The following TAF6 variants were observed in gnomAD, a reference collection of about 807,000 sequenced individuals.
The protein encoded by TAF6 is transcription initiation factor TFIID subunit 6.
Under a neutral mutation model 73.5 loss-of-function variants are expected in TAF6, and 50 were observed. The observed-to-expected ratio is 0.68, with a 90% CI of 0.54 to 0.86. TAF6 has a LOEUF of 0.86. TAF6 is among the 40% of genes least tolerant of loss of function. The pLI is 0.00. For missense variants in TAF6, 768 were observed against 899.5 expected (o/e 0.85, Z 1.87); for synonymous variants, 424 against 376.7 (o/e 1.13, Z -1.45).
At chr7:100,122,646 A>C (rs1584588051), upstream of TAF6, 2 of 1,517,422 alleles carry the variant, frequency 1.3e-6, no homozygotes, top group East Asian at 4.5e-5. Flanking sequence ...GAGGCCCTCC[A>C]GAGGTTATCT....
intron 1 of TAF6, 73 bp downstream of exon 1, chr7:100,119,131 C>T (rs866321318): frequency 1.0e-6 from 1 of 986,736 alleles, no homozygotes; most frequent in Non-Finnish European, 1.2e-6. Context: ...AGAGAGCCCA[C>T]CCCATCTCCT....
Position 100,113,908 on chromosome 7 carries a change from G to C in TAF6, c.203C>G (p.Thr68Ser). 2 of 1,614,052 alleles carry C rather than the reference G, an allele frequency of 1.2e-6. No individual in the cohort carries two copies. Among genetic ancestry groups the C allele is most frequent in the East Asian group, 2.2e-5 (1 of 44,866 alleles). Residue 68 changes from threonine to serine, a missense_variant, in exon 3 of 15, where the codon ACC (threonine) becomes AGC (serine). Physicochemically the swap from Thr to Ser is moderately conservative, Grantham distance 58 (BLOSUM62 1). Transcript: ENST00000453269. ...CTTCAAGGCGTAGTCAATGTCACTG[G>C]TGGTGAGCTTCTGCCGCTTCCCCAT... The part of the protein sequence containing the change: ...MHMGKRQKLT[T>S]SDIDYALKLK...
At chr7:100,118,890 G>A (rs983328031) in intron 1 of TAF6, 2 of 985,274 alleles carry the variant, frequency 2.0e-6, no homozygotes, top group African/African-American at 1.7e-5. Context: ...TCTGTGCCTG[G>A]CGCCGGGTTT....
At chr7:100,122,351 G>C, upstream of TAF6, 1 of 1,613,702 alleles carries the variant, frequency 6.2e-7, no homozygotes. Flanking sequence ...GCTGGATACA[G>C]GCAAGAGGAA....
In TAF6 at chr7:100,107,787, C is replaced by T. The variant is rs1796698741; in HGVS notation, c.1656+139G>A. On this transcript the variant is annotated intron_variant, in intron 14 of 14. Coordinates refer to ENST00000453269, the MANE Select transcript of TAF6 (RefSeq NM_139315.3). ...TTGTTCATGCAGGGCAGCTACAGCCCTGCAGGACCCTGGTGGGCGCCTCTT... is the reference window on the plus strand; with the variant it reads ...TTGTTCATGCAGGGCAGCTACAGCCTTGCAGGACCCTGGTGGGCGCCTCTT... 9 of 1,384,464 alleles carry T rather than the reference C, an allele frequency of 6.5e-6. No individual in the cohort carries two copies. In the South Asian group the frequency reaches 1.2e-4, roughly 18 times the overall value. The allele number at this position is 1,384,464 out of a possible 1,614,324, so 85.8% of individuals were successfully genotyped here. A position where few individuals can be genotyped will look rare whatever the true frequency, so the allele number is the denominator to read the frequency against.
At position 100,114,108 on chromosome 7, in the gene TAF6, C is replaced by A; in HGVS notation, c.102G>T (p.Glu34Asp). ...CCTCATCCGTTAGCAGCTGGCAGGT[C>A]TCCTCCTGAATCTGGGCGATGCCCA... ...ESMGIAQIQE[E>D]TCQLLTDEVS... The change falls in exon 2 of 15, where the codon GAG (glutamate) becomes GAT (aspartate). Residue 34 changes from glutamate to aspartate, a missense_variant. This residue lies in a region of TAF6 where 269 missense variants were observed against 268.0 expected (regional missense o/e 1.00). Transcript: ENST00000453269. The A allele has an allele frequency of 6.2e-7, 1 of 1,614,228 alleles. No homozygotes were observed. Among genetic ancestry groups the A allele is most frequent in the Non-Finnish European group, 8.5e-7 (1 of 1,180,044 alleles).
chr7:100,108,028 C>T lies in TAF6; in HGVS notation c.1554G>A (p.Gln518=). ...CAGCCGCTCGTGCAGACACCAGTGT[C>T]TGGACAGGAAGTGCGATGGAGCCAG... ...KVPGSIALPV[Q]TLVSARAAAP... The change falls in exon 14 of 15, where the codon CAG becomes CAA. Residue 518 remains glutamine, a synonymous_variant. Coordinates refer to ENST00000453269, the MANE Select transcript of TAF6 (RefSeq NM_139315.3). The T allele has an allele frequency of 6.2e-7, 1 of 1,613,876 alleles. No homozygotes were observed. Among genetic ancestry groups the T allele is most frequent in the Non-Finnish European group, 8.5e-7 (1 of 1,179,988 alleles).
chr7:100,125,841 C>G, the TAF6 span, among the ~76,000 whole-genome samples: 1 of 151,898 alleles, frequency 6.6e-6, no homozygotes, highest in Non-Finnish European at 1.5e-5. Context: ...TGTAGGAGTT[C>G]GAGAGCAGCC....
In TAF6 at chr7:100,113,362, C is replaced by T. The variant is rs1450498015; in HGVS notation, c.441G>A (p.Glu147=). 1 of 1,595,582 alleles carries T rather than the reference C, an allele frequency of 6.3e-7. No homozygotes were observed. Among genetic ancestry groups the T allele is most frequent in the South Asian group, 1.1e-5 (1 of 89,258 alleles). ...CATGGAGGTTACCTGGGGGCGGGTTCTCGGGGATAGCTGGCTGGCAGCCCT... is the reference window on the plus strand; with the variant it reads ...CATGGAGGTTACCTGGGGGCGGGTTTTCGGGGATAGCTGGCTGGCAGCCCT... ...SIEGCQPAIP[E]NPPPAPKEQQ... The change falls in exon 5 of 15, where the codon GAG becomes GAA. Residue 147 remains glutamate, a synonymous_variant. Transcript: ENST00000453269.
upstream of TAF6, among the ~76,000 whole-genome samples, chr7:100,121,821 C>T (rs187678871): frequency 5.3e-5 from 8 of 151,818 alleles, no homozygotes; most frequent in East Asian, 2.0e-4. Flanking sequence ...GAGGCCAAGG[C>T]GGGCGGATCA....
At chr7:100,119,568 G>A, upstream of TAF6, 7 of 1,424,566 alleles carry the variant, frequency 4.9e-6, no homozygotes, top group East Asian at 2.5e-5. Context: ...GCCACAAAAC[G>A]GAGGCAGGGA....
rs1797446133 is a variant in TAF6, at chr7:100,113,914, A to C, written c.197T>G (p.Leu66Arg). ...GGCGTAGTCAATGTCACTGGTGGTG[A>C]GCTTCTGCCGCTTCCCCATGTGCAT... ...KFMHMGKRQK[L>R]TTSDIDYALK... The change falls in exon 3 of 15, where the codon CTC becomes CGC. Residue 66 changes from leucine to arginine, a missense_variant. This residue lies in a region of TAF6 where 269 missense variants were observed against 268.0 expected (regional missense o/e 1.00). Coordinates refer to ENST00000453269, the MANE Select transcript of TAF6 (RefSeq NM_139315.3). The C allele has an allele frequency of 6.2e-7, 1 of 1,613,428 alleles. No homozygotes were observed. Among genetic ancestry groups the C allele is most frequent in the African/African-American group, 1.3e-5 (1 of 74,682 alleles).
chr7:100,124,999 GCTTGTAGCTGTTCTCTCCCAT>G, the TAF6 span: 1 of 1,267,366 alleles, frequency 7.9e-7, no homozygotes, highest in Non-Finnish European at 1.1e-6. Flanking sequence ...CTCCACCCAA[GCTTGTAGCTGTTCTCTCCCAT>G]CTAACCTCAG....
chr7:100,107,854 C>T, intron 14 of TAF6, 72 bp downstream of exon 14: 5 of 1,526,944 alleles, frequency 3.3e-6, no homozygotes, highest in Non-Finnish European at 4.4e-6. Flanking sequence ...GTGCTCTACT[C>T]CTGGGCCTCC....
Position 100,107,159 on chromosome 7 carries a change from C to T in TAF6, c.*87G>A. The T allele has an allele frequency of 2.7e-6, 4 of 1,495,470 alleles. No individual in the cohort carries two copies. The highest frequency in any genetic ancestry group is 3.6e-6 in the Non-Finnish European group (4 of 1,120,964). The allele number at this position is 1,495,470 out of a possible 1,614,324, so 92.6% of individuals were successfully genotyped here. Reference sequence around the variant, plus strand: ...ACATGAAGGAAGCAATCTACAACTTCCTTCCGCTTAGCGAGCATGCATGTG... The same window carrying T: ...ACATGAAGGAAGCAATCTACAACTTTCTTCCGCTTAGCGAGCATGCATGTG... On this transcript the variant is annotated 3_prime_UTR_variant, in exon 15 of 15. Transcript: ENST00000453269.
intron 12 of TAF6, 149 bp downstream of exon 12, chr7:100,109,799 T>C (rs1181558180): frequency 8.0e-7 from 1 of 1,247,564 alleles, no homozygotes; most frequent in Non-Finnish European, 1.1e-6. Flanking sequence ...CTAATCTCAG[T>C]CTTTCCATCT....
upstream of TAF6, chr7:100,124,498 C>T (rs373590886): frequency 8.9e-6 from 14 of 1,580,950 alleles, no homozygotes; most frequent in Middle Eastern, 5.1e-4. Context: ...CTCTTCTGGC[C>T]CTTCTACTTG....
Position 100,107,522 on chromosome 7 carries a change from G to A in TAF6, c.1758C>T (p.Ser586=). ...PSVQPIVKLV[S]TATTAPPSTA... is the part of the protein sequence containing the mutation. Reference sequence around the variant, plus strand: ...TGCTGGGGGGTGCGGTGGTGGCGGTGGAGACCAACTTGACGATGGGCTGCA... The same window carrying A: ...TGCTGGGGGGTGCGGTGGTGGCGGTAGAGACCAACTTGACGATGGGCTGCA... The change falls in exon 15 of 15, where the codon TCC becomes TCT. Residue 586 remains serine, a synonymous_variant. Coordinates refer to ENST00000453269, the MANE Select transcript of TAF6 (RefSeq NM_139315.3). 1.2e-6 allele frequency: 2 copies of A among 1,614,090 alleles called. No individual in the cohort carries two copies. Among genetic ancestry groups the A allele is most frequent in the African/African-American group, 1.3e-5 (1 of 75,022 alleles).
chr7:100,124,298 C>T, upstream of TAF6: 2 of 524,442 alleles, frequency 3.8e-6, no homozygotes, highest in South Asian at 5.1e-5. Context: ...ATTTTACAGG[C>T]AAGGAGCTGA....
Sources: gnomAD v4.1 joint callset for allele counts (sites outside exome capture counted in the v4.1 genomes callset) on GRCh38, gnomAD v4.1.1 for gene constraint, gnomAD v4.1.1 regional missense constraint, MANE v1.5 for transcripts, NCBI Gene and HGNC (gene_info 2026-07-23, HGNC 2026-07-21) for gene names.